Variants in ZC3H12B observed in about 807,000 individuals in gnomAD.
The protein encoded by ZC3H12B is probable ribonuclease ZC3H12B.
ZC3H12B carries 7 observed loss-of-function variants against 43.9 expected under a neutral mutation model. The observed-to-expected ratio is 0.16, with a 90% confidence interval of 0.09 to 0.30. The LOEUF (loss-of-function observed/expected upper bound fraction) is 0.30. Ranked by LOEUF, ZC3H12B falls within the 10% of genes least tolerant of loss-of-function variation. The pLI, the probability that ZC3H12B is intolerant of heterozygous loss-of-function variation, is 1.00. For synonymous variants in ZC3H12B, 222 were observed against 241.7 expected (o/e 0.92, Z 0.76); for missense variants, 475 against 670.2 (o/e 0.71, Z 3.22).
chrX:65,295,687 A>G, the ZC3H12B span, among the ~76,000 whole-genome samples: 3 of 111,995 alleles, frequency 2.7e-5, no homozygotes, highest in Non-Finnish European at 5.6e-5. Flanking sequence ...AATAGAGAAG[A>G]TCCAAATAAG....
the ZC3H12B span, among the ~76,000 whole-genome samples, chrX:65,166,494 G>T: frequency 1.8e-5 from 2 of 111,918 alleles, no homozygotes; most frequent in Non-Finnish European, 3.8e-5. Context: ...GAATAGTGCT[G>T]CAATAAACAT....
At chrX:65,108,329 A>G in the ZC3H12B span, among the ~76,000 whole-genome samples, 1 of 111,909 alleles carries the variant, frequency 8.9e-6, no homozygotes, top group Non-Finnish European at 1.9e-5. Flanking sequence ...CACTTAGCTT[A>G]AAACGCAAAC....
chrX:65,204,072 C>T, the ZC3H12B span, among the ~76,000 whole-genome samples: 1 of 112,688 alleles, frequency 8.9e-6, no homozygotes, highest in East Asian at 2.8e-4. Flanking sequence ...CTCAAATGCA[C>T]ATTCTCTCTC....
intron 2 of ZC3H12B, among the ~76,000 whole-genome samples, chrX:65,377,477 A>G (rs1227485082): frequency 9.0e-6 from 1 of 110,686 alleles, no homozygotes; most frequent in Non-Finnish European, 1.9e-5. Flanking sequence ...TTAATAATCA[A>G]ACTTCCAAAG....
At chrX:65,048,914 C>A in the ZC3H12B span, among the ~76,000 whole-genome samples, 1 of 111,476 alleles carries the variant, frequency 9.0e-6, no homozygotes, top group African/African-American at 3.2e-5. Flanking sequence ...ATTTGTATTT[C>A]TCTGATGATT....
chrX:65,450,138 C>T (rs987316658), intron 3 of ZC3H12B, among the ~76,000 whole-genome samples: 2 of 107,080 alleles, frequency 1.9e-5, no homozygotes. Context: ...AACCCTGTCT[C>T]TACTAAAAAT....
chrX:65,429,879 G>A (rs1410185052), intron 3 of ZC3H12B, among the ~76,000 whole-genome samples: 3 of 112,232 alleles, frequency 2.7e-5, no homozygotes, highest in Non-Finnish European at 5.6e-5. Flanking sequence ...ACTCTCCAAA[G>A]CCAGCAGTCT....
At chrX:65,283,625 G>A in the ZC3H12B span, among the ~76,000 whole-genome samples, 1 of 112,125 alleles carries the variant, frequency 8.9e-6, no homozygotes, top group Non-Finnish European at 1.9e-5. Flanking sequence ...CTTCAGCAAA[G>A]TCTCAGGAGG....
At chrX:65,348,221 A>G in the ZC3H12B span, among the ~76,000 whole-genome samples, 1 of 112,355 alleles carries the variant, frequency 8.9e-6, no homozygotes, top group African/African-American at 3.2e-5. Flanking sequence ...CCTAGAACTT[A>G]AAGTATAATT....
chrX:65,097,664 C>G, the ZC3H12B span, among the ~76,000 whole-genome samples: 1 of 111,995 alleles, frequency 8.9e-6, no homozygotes, highest in Admixed American at 9.5e-5. Flanking sequence ...TATTTGTTCA[C>G]ACTTTCTAGT....
chrX:65,148,253 A>G, the ZC3H12B span, among the ~76,000 whole-genome samples: 1 of 107,699 alleles, frequency 9.3e-6, no homozygotes, highest in Admixed American at 9.8e-5. Flanking sequence ...GCTGATCTGA[A>G]ATCTTGGACG....
chrX:65,258,045 G>A, the ZC3H12B span, among the ~76,000 whole-genome samples: 1 of 111,563 alleles, frequency 9.0e-6, no homozygotes, highest in East Asian at 2.8e-4. Flanking sequence ...TGTGAGGCCA[G>A]TGTCATCCTG....
the ZC3H12B span, among the ~76,000 whole-genome samples, chrX:65,339,543 C>A: frequency 8.9e-6 from 1 of 111,908 alleles, no homozygotes; most frequent in East Asian, 2.8e-4. Flanking sequence ...CAGAGCATGG[C>A]CAGTGATGCC....
the ZC3H12B span, among the ~76,000 whole-genome samples, chrX:65,149,764 A>AAATAATAAT: frequency 1.2e-5 from 1 of 85,299 alleles, no homozygotes; most frequent in Non-Finnish European, 2.3e-5. Context: ...ACTTAATCTC[A>AAATAATAAT]AATAATAATA....
chrX:65,172,066 C>A, the ZC3H12B span, among the ~76,000 whole-genome samples: 1 of 112,434 alleles, frequency 8.9e-6, no homozygotes, highest in Admixed American at 9.4e-5. Context: ...GAACCCAGTA[C>A]CTCAGTTGGA....
chrX:65,141,177 G>C, the ZC3H12B span, among the ~76,000 whole-genome samples: 2 of 109,656 alleles, frequency 1.8e-5, no homozygotes, highest in African/African-American at 3.3e-5. Flanking sequence ...TTTTAATGTA[G>C]GCATTAATTA....
the ZC3H12B span, among the ~76,000 whole-genome samples, chrX:65,101,891 G>C: frequency 8.9e-6 from 1 of 112,300 alleles, no homozygotes; most frequent in African/African-American, 3.2e-5. Context: ...TATGAGGCCA[G>C]CATCATCCTG....
chrX:65,091,630 C>A, the ZC3H12B span, among the ~76,000 whole-genome samples: 1 of 111,514 alleles, frequency 9.0e-6, no homozygotes, highest in Admixed American at 9.5e-5. Context: ...CTCTACTACT[C>A]TTGATGATAC....
At chrX:65,091,784 A>G in the ZC3H12B span, among the ~76,000 whole-genome samples, 2 of 112,422 alleles carry the variant, frequency 1.8e-5, no homozygotes, top group East Asian at 5.6e-4. Flanking sequence ...ATATGTGCAT[A>G]CAAGGGTTAT....
Sources: gnomAD v4.1 joint callset for allele counts (sites outside exome capture counted in the v4.1 genomes callset) on GRCh38, gnomAD v4.1.1 for gene constraint, MANE v1.5 for transcripts, NCBI Gene and HGNC (gene_info 2026-07-23, HGNC 2026-07-21) for gene names.